The following EPB41L3 variants were observed in gnomAD, a reference collection of about 807,000 sequenced individuals.
EPB41L3 encodes erythrocyte membrane protein band 4.1 like 3, also known as band 4.1-like protein 3.
Under a neutral mutation model 127.1 loss-of-function variants are expected in EPB41L3, and 57 were observed. That is an observed-to-expected ratio of 0.45 (90% confidence interval 0.36 to 0.56). EPB41L3 has a LOEUF of 0.56. Ranked by LOEUF, EPB41L3 falls within the 20% of genes least tolerant of loss-of-function variation. The probability of loss-of-function intolerance (pLI) is 0.00; values close to 1 mark genes in which losing one functional copy is unlikely to be tolerated. For synonymous variants in EPB41L3, 572 were observed against 549.5 expected, an observed-to-expected ratio of 1.04 and a Z score of -0.57; for missense variants, 1,273 against 1,372.2, an observed-to-expected ratio of 0.93 and a Z score of 1.14.
At chr18:5,429,343 G>GT (rs2078663935) in intron 8 of EPB41L3, 1 of 152,108 alleles carries the variant, frequency 6.6e-6, no homozygotes, top group South Asian at 2.1e-4. Flanking sequence ...CAGAGACGTT[G>GT]TATCAAGCTT....
At chr18:5,561,313 A>C (rs563331759) in intron 3 of EPB41L3, among the ~76,000 whole-genome samples, 1 of 152,224 alleles carries the variant, frequency 6.6e-6, no homozygotes, top group East Asian at 1.9e-4. Context: ...TTCATTTCTC[A>C]GCCTGGAGCA....
At chr18:5,564,138 A>G (rs2094168801) in intron 3 of EPB41L3, among the ~76,000 whole-genome samples, 1 of 152,198 alleles carries the variant, frequency 6.6e-6, no homozygotes, top group African/African-American at 2.4e-5. Flanking sequence ...GGGCGATTTC[A>G]GTTGAGTTTT....
Position 5,423,379 on chromosome 18 carries a change from T to A in EPB41L3, c.1338A>T (p.Gly446=), listed in dbSNP as rs752845538. 6.2e-7 allele frequency: 1 copy of A among 1,600,824 alleles called. No individual in the cohort carries two copies. Among genetic ancestry groups the A allele is most frequent in the Non-Finnish European group, 8.5e-7 (1 of 1,170,394 alleles). The change falls in exon 11 of 23, where the codon GGA becomes GGT. Residue 446 remains glycine, a splice_region_variant and synonymous_variant. Coordinates refer to ENST00000341928, the MANE Select transcript of EPB41L3 (RefSeq NM_012307.5). ...KRYTMSRSLD[G]EVGTGQYATT... ...TAAGGGCCAGTAAGCGATGCCTACC[T>A]CCATCCAAGCTGCGAGACATGGTAT... is the stretch of plus-strand genomic sequence containing the variant.
Position 5,438,130 on chromosome 18 carries a change from T to C in EPB41L3, c.530-20A>G, listed in dbSNP as rs754596861. On this transcript the variant is annotated intron_variant, in intron 5 of 22. Coordinates refer to ENST00000341928, the MANE Select transcript of EPB41L3 (RefSeq NM_012307.5). ...CACCACCTGCAAGGATGGAAAAAAATTAGAGTAAAACCTTGAGAAATTCTT... is the reference window on the plus strand; with the variant it reads ...CACCACCTGCAAGGATGGAAAAAAACTAGAGTAAAACCTTGAGAAATTCTT... The C allele has an allele frequency of 6.2e-7, 1 of 1,610,186 alleles. No individual in the cohort carries two copies. Among genetic ancestry groups the C allele is most frequent in the African/African-American group, 1.3e-5 (1 of 74,798 alleles).
intron 1 of EPB41L3, chr18:5,521,491 G>A (rs1340384681): frequency 6.6e-6 from 1 of 152,212 alleles, no homozygotes; most frequent in Non-Finnish European, 1.5e-5. Context: ...ACAGCACCAC[G>A]ATGAGCATGG....
chr18:5,440,686 CCAGA>C (rs781195852), intron 5 of EPB41L3, among the ~76,000 whole-genome samples: 2 of 152,054 alleles, frequency 1.3e-5, no homozygotes, highest in South Asian at 2.1e-4. Flanking sequence ...GTCTTTTATG[CCAGA>C]CAAATCTTAA....
At chr18:5,534,996 G>A (rs902214355) in intron 1 of EPB41L3, among the ~76,000 whole-genome samples, 1 of 152,098 alleles carries the variant, frequency 6.6e-6, no homozygotes, top group Admixed American at 6.5e-5. Flanking sequence ...AAGGACAGTG[G>A]TGGTGAGCGG....
intron 9 of EPB41L3, among the ~76,000 whole-genome samples, chr18:5,425,891 G>C (rs948434756): frequency 4.2e-4 from 64 of 152,062 alleles, no homozygotes; most frequent in African/African-American, 1.4e-3. Context: ...TGCTCCTGTT[G>C]CCCTTCTGAA....
At chr18:5,454,928 T>C (rs2082808432) in intron 3 of EPB41L3, among the ~76,000 whole-genome samples, 1 of 152,250 alleles carries the variant, frequency 6.6e-6, no homozygotes, top group Non-Finnish European at 1.5e-5. Context: ...TGTCTTCCCA[T>C]TATTCAAGTG....
At chr18:5,533,413 C>T (rs967993503) in intron 1 of EPB41L3, among the ~76,000 whole-genome samples, 1 of 152,118 alleles carries the variant, frequency 6.6e-6, no homozygotes. Flanking sequence ...CGGATATGAG[C>T]ATAGGAAAAA....
At chr18:5,406,630 T>G in intron 16 of EPB41L3, 147 bp downstream of exon 16, 2 of 655,968 alleles carry the variant, frequency 3.0e-6, no homozygotes, top group South Asian at 5.6e-5. Flanking sequence ...AGTTTTCTGT[T>G]GGAGCACTGA....
At chr18:5,496,117 T>C (rs530236712) in intron 1 of EPB41L3, among the ~76,000 whole-genome samples, 1 of 152,378 alleles carries the variant, frequency 6.6e-6, no homozygotes, top group East Asian at 1.9e-4. Context: ...AAACACTTAA[T>C]AGATTGGGAA....
intron 3 of EPB41L3, among the ~76,000 whole-genome samples, chr18:5,578,277 G>A (rs1458864926): frequency 6.6e-6 from 1 of 152,162 alleles, no homozygotes; most frequent in East Asian, 1.9e-4. Flanking sequence ...GATAAAAAAA[G>A]ATCTCAAAAT....
At chr18:5,613,182 A>G (rs1273307772) in intron 2 of EPB41L3, among the ~76,000 whole-genome samples, 1 of 152,176 alleles carries the variant, frequency 6.6e-6, no homozygotes, top group Non-Finnish European at 1.5e-5. Context: ...GAGTTCAGTC[A>G]TCTCTTAAGG....
intron 9 of EPB41L3, among the ~76,000 whole-genome samples, chr18:5,426,228 C>T (rs567161411): frequency 6.6e-6 from 1 of 152,260 alleles, no homozygotes; most frequent in South Asian, 2.1e-4. Flanking sequence ...TGTTCAACTC[C>T]TTCCTATGCA....
intron 1 of EPB41L3, among the ~76,000 whole-genome samples, chr18:5,506,589 C>T (rs2092221509): frequency 6.6e-6 from 1 of 152,192 alleles, no homozygotes; most frequent in African/African-American, 2.4e-5. Flanking sequence ...CTACCTACTT[C>T]AGCTGCTTAC....
At chr18:5,606,045 A>G (rs911124053) in intron 3 of EPB41L3, among the ~76,000 whole-genome samples, 1 of 152,182 alleles carries the variant, frequency 6.6e-6, no homozygotes, top group Non-Finnish European at 1.5e-5. Flanking sequence ...GTGACAGCAA[A>G]AGTGAAAATG....
Position 5,393,188 on chromosome 18 carries a change from A to G in EPB41L3, c.*297T>C. On this transcript the variant is annotated 3_prime_UTR_variant, in exon 23 of 23. Coordinates refer to ENST00000341928, the MANE Select transcript of EPB41L3 (RefSeq NM_012307.5). ...CCACGGTTTATATTGTTGGTTATGA[A>G]CGTGCAGGTATAGCTGAAAACTGAG... 5.6e-6 allele frequency: 2 copies of G among 358,018 alleles called. No individual in the cohort carries two copies. The highest frequency in any genetic ancestry group is 1.0e-5 in the Non-Finnish European group (2 of 200,204). The allele number at this position is 358,018 out of a possible 1,614,324, so 22.2% of individuals were successfully genotyped here. A position where few individuals can be genotyped will look rare whatever the true frequency, so the allele number is the denominator to read the frequency against.
intron 1 of EPB41L3, among the ~76,000 whole-genome samples, chr18:5,527,998 A>G (rs1279149794): frequency 6.9e-6 from 1 of 144,038 alleles, no homozygotes; most frequent in Non-Finnish European, 1.5e-5. Flanking sequence ...TAAAAAATAT[A>G]AACATTAAAA....
Sources: gnomAD v4.1 joint callset for allele counts (sites outside exome capture counted in the v4.1 genomes callset) on GRCh38, gnomAD v4.1.1 for gene constraint, MANE v1.5 for transcripts, NCBI Gene and HGNC (gene_info 2026-07-23, HGNC 2026-07-21) for gene names.